Variants in PLD1 observed in about 807,000 individuals in gnomAD.
PLD1 encodes the protein choline phosphatase 1.
A neutral mutation model predicts 137.1 loss-of-function variants in PLD1; 112 were observed. The ratio of observed to expected loss-of-function variants is 0.82; its 90% CI spans 0.70 to 0.96. PLD1 has a LOEUF of 0.96. Among genes scored for constraint, PLD1 ranks in the 40% least tolerant of loss-of-function variants. The pLI, the probability that PLD1 is intolerant of heterozygous loss-of-function variation, is 0.00. For synonymous variants in PLD1, 431 were observed against 454.7 expected (o/e 0.95, Z 0.66); for missense variants, 1,321 against 1,342.0 (o/e 0.98, Z 0.24).
intron 1 of PLD1, among the ~76,000 whole-genome samples, chr3:171,803,866 G>A (rs1723742944): frequency 6.6e-6 from 1 of 152,132 alleles, no homozygotes; most frequent in African/African-American, 2.4e-5. Context: ...ATAGCATAGA[G>A]AGCAATAAAT....
chr3:171,607,594 A>T (rs1732308643), intron 25 of PLD1, among the ~76,000 whole-genome samples: 1 of 152,188 alleles, frequency 6.6e-6, no homozygotes, highest in Non-Finnish European at 1.5e-5. Flanking sequence ...AAAGTTTGAG[A>T]GAAAACTAGT....
intron 1 of PLD1, among the ~76,000 whole-genome samples, chr3:171,755,086 T>G (rs4473582): frequency 0.37 from 56,357 of 151,836 alleles, 11,629 homozygotes; most frequent in African/African-American, 0.54. Flanking sequence ...CTGGAGAAAT[T>G]CAATCCTGGG....
chr3:171,738,115 G>A, intron 1 of PLD1, 33 bp from the exon 2 acceptor site: 1 of 1,307,176 alleles, frequency 7.7e-7, no homozygotes. Flanking sequence ...CAAAGACTTA[G>A]CATTTTGATA....
chr3:171,732,848 T>G (rs1437834284), intron 6 of PLD1, among the ~76,000 whole-genome samples: 1 of 152,106 alleles, frequency 6.6e-6, no homozygotes, highest in Non-Finnish European at 1.5e-5. Flanking sequence ...ACCCACTCCC[T>G]CCCTGCTTGC....
intron 1 of PLD1, among the ~76,000 whole-genome samples, chr3:171,746,827 T>A (rs1445830386): frequency 2.0e-5 from 3 of 152,188 alleles, no homozygotes; most frequent in African/African-American, 7.2e-5. Context: ...GATAAGGCAA[T>A]AAAAGCAGGC....
intron 1 of PLD1, among the ~76,000 whole-genome samples, chr3:171,802,864 A>ACATTGTAT (rs1192788507): frequency 6.6e-6 from 1 of 152,234 alleles, no homozygotes; most frequent in African/African-American, 2.4e-5. Context: ...GCCAGGGTCC[A>ACATTGTAT]GCAGCCCAGA....
At chr3:171,665,406 A>C (rs1712006229) in intron 19 of PLD1, among the ~76,000 whole-genome samples, 1 of 152,198 alleles carries the variant, frequency 6.6e-6, no homozygotes, top group African/African-American at 2.4e-5. Flanking sequence ...AGCCAAAAGA[A>C]GACCATTTTA....
At chr3:171,803,787 A>G (rs566771703) in intron 1 of PLD1, among the ~76,000 whole-genome samples, 15 of 152,352 alleles carry the variant, frequency 9.8e-5, no homozygotes, top group African/African-American at 3.1e-4. Flanking sequence ...TGATATCACT[A>G]GAACATACAG....
intron 23 of PLD1, among the ~76,000 whole-genome samples, chr3:171,639,848 C>CTCTCTCTCTCTA (rs3050415): frequency 2.5e-4 from 27 of 110,190 alleles, no homozygotes; most frequent in African/African-American, 3.5e-4. Flanking sequence ...CTCTCTCTCT[C>CTCTCTCTCTCTA]TATATATATA....
At chr3:171,711,109 T>C (rs1717182305) in intron 9 of PLD1, among the ~76,000 whole-genome samples, 1 of 150,692 alleles carries the variant, frequency 6.6e-6, no homozygotes, top group Non-Finnish European at 1.5e-5. Flanking sequence ...CCTCAGGGGA[T>C]CGGCCTGCCT....
intron 1 of PLD1, among the ~76,000 whole-genome samples, chr3:171,765,804 C>T (rs188586768): frequency 6.6e-6 from 1 of 152,198 alleles, no homozygotes; most frequent in African/African-American, 2.4e-5. Context: ...TCATCAACTG[C>T]GTTTAGACCA....
rs1372500830 is a variant in PLD1, at chr3:171,737,625, T to C, written c.195A>G (p.Gln65=). 8 of 1,590,428 alleles carry C rather than the reference T, an allele frequency of 5.0e-6. No homozygotes were observed. The highest frequency in any genetic ancestry group is 6.9e-6 in the Non-Finnish European group (8 of 1,160,252). ...TCTGTATATTAGGCTCCTTAAATCCTTGAGTGTTATAAATAGCAGAGAAAG... is the reference window on the plus strand; with the variant it reads ...TCTGTATATTAGGCTCCTTAAATCCCTGAGTGTTATAAATAGCAGAGAAAG... ...YIPFSAIYNT[Q]GFKEPNIQTY... Residue 65 remains glutamine (Q), a synonymous_variant, in exon 3 of 27, where the codon CAA becomes CAG. Coordinates refer to ENST00000351298, the MANE Select transcript of PLD1 (RefSeq NM_002662.5).
chr3:171,717,750 C>T (rs955639712), intron 8 of PLD1, among the ~76,000 whole-genome samples: 4 of 152,210 alleles, frequency 2.6e-5, no homozygotes, highest in African/African-American at 7.2e-5. Flanking sequence ...CTGGCCAGGA[C>T]TTCCAATACT....
intron 1 of PLD1, chr3:171,793,242 A>C (rs1488977490): frequency 6.6e-6 from 1 of 152,206 alleles, no homozygotes; most frequent in East Asian, 1.9e-4. Flanking sequence ...GGCTCCTGAG[A>C]GCAGACTGGG....
intron 2 of PLD1, 33 bp downstream of exon 2, chr3:171,737,859 C>G (rs1321932661): frequency 1.4e-5 from 22 of 1,589,048 alleles, no homozygotes; most frequent in Admixed American, 1.8e-5. Context: ...GAGATAAACT[C>G]TTTTCTTCCC....
At chr3:171,604,135 TCAA>T (rs1732020758) in intron 26 of PLD1, among the ~76,000 whole-genome samples, 1 of 151,812 alleles carries the variant, frequency 6.6e-6, no homozygotes, top group Non-Finnish European at 1.5e-5. Flanking sequence ...GGTCAGGAGT[TCAA>T]GACCAGCCTG....
intron 12 of PLD1, among the ~76,000 whole-genome samples, chr3:171,698,973 T>C (rs1228542771): frequency 2.7e-5 from 3 of 110,714 alleles, no homozygotes; most frequent in Non-Finnish European, 3.7e-5. Flanking sequence ...CAAAACCCCA[T>C]CTCAAAAAAA....
At chr3:171,659,428 T>A in intron 20 of PLD1, 127 bp from the exon 21 acceptor site, 1 of 610,826 alleles carries the variant, frequency 1.6e-6, no homozygotes, top group Non-Finnish European at 2.8e-6. Context: ...TGAAATCACA[T>A]CAAGAAAGTC....
intron 1 of PLD1, among the ~76,000 whole-genome samples, chr3:171,799,205 G>A (rs941102217): frequency 1.3e-5 from 2 of 151,962 alleles, no homozygotes; most frequent in African/African-American, 2.4e-5. Flanking sequence ...CGGGGGTGGT[G>A]GTGCGAGCCT....
Sources: gnomAD v4.1 joint callset for allele counts (sites outside exome capture counted in the v4.1 genomes callset) on GRCh38, gnomAD v4.1.1 for gene constraint, MANE v1.5 for transcripts, NCBI Gene and HGNC (gene_info 2026-07-23, HGNC 2026-07-21) for gene names.